RPP30: variants seen among roughly 807,000 people sequenced by gnomAD.
RPP30 encodes the protein ribonuclease P/MRP subunit p30.
A neutral mutation model predicts 38.6 loss-of-function variants in RPP30; 36 were observed. The observed-to-expected ratio is 0.93, with a 90% confidence interval of 0.71 to 1.23. The LOEUF (loss-of-function observed/expected upper bound fraction) is 1.23, where lower values mean the gene tolerates loss of function less well. Ranked by LOEUF, RPP30 falls within the 50% of genes most tolerant of loss-of-function variation. The pLI is 0.00. For missense variants in RPP30, 321 were observed against 321.7 expected, an observed-to-expected ratio of 1.00 and a Z score of 0.02; for synonymous variants, 126 against 112.7, an observed-to-expected ratio of 1.12 and a Z score of -0.75.
intron 6 of RPP30, among the ~76,000 whole-genome samples, chr10:90,888,258 T>C (rs1199773116): frequency 6.6e-6 from 1 of 152,232 alleles, no homozygotes; most frequent in East Asian, 1.9e-4. Context: ...CATACGATAC[T>C]GTGACCTTTG....
At chr10:90,894,446 T>A (rs985402417) in intron 6 of RPP30, among the ~76,000 whole-genome samples, 38 of 152,244 alleles carry the variant, frequency 2.5e-4, no homozygotes, top group Admixed American at 1.3e-4. Flanking sequence ...AGTACATTTC[T>A]GTTTTCCTTT....
At chr10:90,896,698 A>G (rs189790748) in intron 10 of RPP30, among the ~76,000 whole-genome samples, 68 of 152,294 alleles carry the variant, frequency 4.5e-4, no homozygotes, top group African/African-American at 1.6e-3. Flanking sequence ...CCTCACCAGA[A>G]GGCCATGCTT....
Position 90,885,055 on chromosome 10 carries a change from C to T in RPP30, c.343-757C>T, listed in dbSNP as rs113978465. Among the ~76,000 whole-genome samples, 9 of 152,224 alleles carry T rather than the reference C, an allele frequency of 5.9e-5. 2 individuals are homozygous for T. Among genetic ancestry groups the T allele is most frequent in the African/African-American group, 2.2e-4 (9 of 41,526 alleles). ...ACCTTTTCCCAGCTTTATTTTTCTT[C>T]CCTGATTTTCCATTTATCCTGATTT... is the stretch of plus-strand genomic sequence containing the variant. On this transcript the variant is annotated intron_variant, in intron 5 of 10. Transcript: ENST00000371703.
downstream of RPP30, among the ~76,000 whole-genome samples, chr10:90,907,042 G>T (rs1362359243): frequency 6.6e-6 from 1 of 152,134 alleles, no homozygotes; most frequent in Non-Finnish European, 1.5e-5. Flanking sequence ...TGTCTCTCAT[G>T]CCCTCTACCT....
downstream of RPP30, chr10:90,905,433 A>G (rs547560383): frequency 1.3e-5 from 2 of 152,292 alleles, no homozygotes; most frequent in Admixed American, 6.5e-5. Flanking sequence ...CGGTGGTACA[A>G]TTTATGCTCC....
At chr10:90,906,532 A>T (rs988906425), downstream of RPP30, among the ~76,000 whole-genome samples, 3 of 152,226 alleles carry the variant, frequency 2.0e-5, no homozygotes, top group Non-Finnish European at 4.4e-5. Flanking sequence ...GAAGCCATCG[A>T]AGGGTTGAAA....
Position 90,874,865 on chromosome 10 carries a change from T to G in RPP30, c.83-4T>G. The G allele has an allele frequency of 6.3e-7, 1 of 1,594,196 alleles. No individual in the cohort carries two copies. The highest frequency in any genetic ancestry group is 8.6e-7 in the Non-Finnish European group (1 of 1,167,478). On this transcript the variant is annotated splice_region_variant and splice_polypyrimidine_tract_variant and intron_variant, in intron 1 of 10. Transcript: ENST00000371703. Reference sequence around the variant, plus strand: ...AACAAAAGTGTTCAATTTTTCTTTTTCAGTTGGCTATTCAGTTGTTGCTAT... The same window carrying G: ...AACAAAAGTGTTCAATTTTTCTTTTGCAGTTGGCTATTCAGTTGTTGCTAT...
At chr10:90,874,546 A>G (rs917630630) in intron 1 of RPP30, among the ~76,000 whole-genome samples, 10 of 152,244 alleles carry the variant, frequency 6.6e-5, no homozygotes, top group Non-Finnish European at 4.4e-5. Flanking sequence ...ATAATAATTC[A>G]TAATGGTTAA....
chr10:90,895,926 T>C lies in RPP30; in HGVS notation c.617+9T>C. On this transcript the variant is annotated intron_variant, in intron 9 of 10. Transcript: ENST00000371703. The stretch of plus-strand genomic sequence containing the variant: ...TATGACGTGGCAAATCTGTATCCTT[T>C]TCTGAGTAAAAAGTTGTTGACATTG... 1 of 1,595,702 alleles carries C rather than the reference T, an allele frequency of 6.3e-7. No individual in the cohort carries two copies. The highest frequency in any genetic ancestry group is 8.5e-7 in the Non-Finnish European group (1 of 1,170,306).
intron 1 of RPP30, 69 bp from the exon 2 acceptor site, chr10:90,874,800 G>C: frequency 2.9e-6 from 3 of 1,038,858 alleles, no homozygotes; most frequent in Non-Finnish European, 4.4e-6. Flanking sequence ...TCTAGACTCA[G>C]GATGGACCTG....
At chr10:90,903,544 G>A (rs944815066), downstream of RPP30, among the ~76,000 whole-genome samples, 3 of 152,198 alleles carry the variant, frequency 2.0e-5, no homozygotes, top group Non-Finnish European at 4.4e-5. Context: ...CATTTGTGTA[G>A]TATGTGTTTG....
intron 5 of RPP30, among the ~76,000 whole-genome samples, chr10:90,885,444 T>A (rs555012271): frequency 6.6e-6 from 1 of 152,350 alleles, no homozygotes; most frequent in East Asian, 1.9e-4. Context: ...GCTTATTTTT[T>A]CCTTGGGTTT....
chr10:90,902,046 C>T lies in RPP30; in HGVS notation c.*1367C>T, dbSNP rs1343082288. On this transcript the variant is annotated 3_prime_UTR_variant, in exon 11 of 11. Transcript: ENST00000371703. ...TCTCCTGACCTCATATTCCACCCGCCTCGGCCTCCCAAAGTGCTGGGATTA... is the reference window on the plus strand; with the variant it reads ...TCTCCTGACCTCATATTCCACCCGCTTCGGCCTCCCAAAGTGCTGGGATTA... The T allele has an allele frequency of 2.7e-6, 2 of 732,146 alleles. No individual in the cohort carries two copies. The highest frequency in any genetic ancestry group is 3.3e-6 in the Non-Finnish European group (2 of 598,248). The allele number at this position is 732,146 out of a possible 1,614,324, so 45.4% of individuals were successfully genotyped here.
At chr10:90,883,280 G>T in intron 5 of RPP30, among the ~76,000 whole-genome samples, 1 of 129,424 alleles carries the variant, frequency 7.7e-6, no homozygotes, top group Admixed American at 8.4e-5. Context: ...TGTCATAGGA[G>T]TCTCTGGCCA....
chr10:90,896,455 A>G, intron 10 of RPP30, 63 bp downstream of exon 10: 1 of 1,346,004 alleles, frequency 7.4e-7, no homozygotes. Context: ...TTTTACAGCC[A>G]TACCTATTTT....
chr10:90,884,239 G>T (rs1418558407), intron 5 of RPP30, among the ~76,000 whole-genome samples: 1 of 152,128 alleles, frequency 6.6e-6, no homozygotes, highest in African/African-American at 2.4e-5. Flanking sequence ...TGCACTTATA[G>T]AGACTTCTCT....
intron 6 of RPP30, 96 bp from the exon 7 acceptor site, chr10:90,894,679 A>G: frequency 1.2e-6 from 1 of 843,346 alleles, no homozygotes. Context: ...AGGGGTCAGT[A>G]GTAGGGAGTG....
chr10:90,883,729 G>T lies in RPP30; in HGVS notation c.343-2083G>T, dbSNP rs116067543. Among the ~76,000 whole-genome samples the T allele has an allele frequency of 7.6e-3, 1,161 of 152,164 alleles. 11 individuals are homozygous for T. The highest frequency in any genetic ancestry group is 0.024 in the African/African-American group (987 of 41,496). On this transcript the variant is annotated intron_variant, in intron 5 of 10. Transcript: ENST00000371703. Reference sequence around the variant, plus strand: ...AGTAACCTAATTTAGCTTTATTCTGGGGAGAATGTTTAACAGGCTTTTAAA... The same window carrying T: ...AGTAACCTAATTTAGCTTTATTCTGTGGAGAATGTTTAACAGGCTTTTAAA...
chr10:90,900,822 T>G lies in RPP30; in HGVS notation c.*143T>G, dbSNP rs922674667. 3.7e-6 allele frequency: 5 copies of G among 1,361,936 alleles called. No individual in the cohort carries two copies. In the African/African-American group the frequency reaches 7.4e-5, roughly 20 times the overall value. 84.4% of individuals were successfully genotyped at this position (1,361,936 alleles called of 1,614,324 possible). A position where few individuals can be genotyped will look rare whatever the true frequency, so the allele number is the denominator to read the frequency against. On this transcript the variant is annotated 3_prime_UTR_variant, in exon 11 of 11. Transcript: ENST00000371703. ...TCTATAAAAACAGTTTTACTTGCAA[T>G]CCATTAAAACAACAAACGAAACCTA... is the stretch of plus-strand genomic sequence containing the variant.
Sources: allele counts gnomAD v4.1 joint callset (sites outside exome capture counted in the v4.1 genomes callset), GRCh38; gene constraint gnomAD v4.1.1; transcripts MANE v1.5; gene names NCBI Gene and HGNC (gene_info 2026-07-23, HGNC 2026-07-21).